BCL2L14: variants seen among roughly 807,000 people sequenced by gnomAD.
BCL2L14 encodes the protein BCL2 like 14.
In BCL2L14, 27 loss-of-function variants were observed where a neutral mutation model predicts 35.3. The observed-to-expected ratio is 0.76, with a 90% CI of 0.56 to 1.05. BCL2L14 has a LOEUF of 1.05. BCL2L14 is among the 50% of genes least tolerant of loss of function. BCL2L14 has a pLI of 0.00. For synonymous variants in BCL2L14, 139 were observed against 145.9 expected, an observed-to-expected ratio of 0.95 and a Z score of 0.34; for missense variants, 377 against 382.6, an observed-to-expected ratio of 0.99 and a Z score of 0.12.
In BCL2L14 at chr12:12,086,997, A is replaced by G. The variant is rs892544342; in HGVS notation, c.434-216A>G. Among the ~76,000 whole-genome samples, 33 of 152,218 alleles carry G rather than the reference A, an allele frequency of 2.2e-4. 1 individual carries two copies. Among genetic ancestry groups the G allele is most frequent in the Middle Eastern group, 6.8e-3 (2 of 294 alleles). On this transcript the variant is annotated intron_variant, in intron 2 of 5. Coordinates refer to ENST00000308721, the MANE Select transcript of BCL2L14 (RefSeq NM_138723.2). ...AGTGTGCAGAAGGCCAATTGTTTCA[A>G]GGTGACAATCATTCCTGCATGCACC...
chr12:12,058,253 C>T (rs1400556146), intron 2 of BCL2L14, among the ~76,000 whole-genome samples: 3 of 143,632 alleles, frequency 2.1e-5, no homozygotes, highest in African/African-American at 7.7e-5. Context: ...TGCCCAGACT[C>T]TTTTTTTTTT....
intron 2 of BCL2L14, among the ~76,000 whole-genome samples, chr12:12,058,176 T>A (rs1056189720): frequency 6.6e-6 from 1 of 150,570 alleles, no homozygotes; most frequent in African/African-American, 2.4e-5. Flanking sequence ...GTTCTCCAAC[T>A]CTTGACCTCA....
chr12:12,063,293 T>C (rs1186486933), intron 2 of BCL2L14, among the ~76,000 whole-genome samples: 2 of 151,192 alleles, frequency 1.3e-5, no homozygotes, highest in East Asian at 1.9e-4. Context: ...TAAATAATCT[T>C]TGCTGGCAGG....
intron 1 of BCL2L14, among the ~76,000 whole-genome samples, chr12:12,050,968 G>A (rs964745364): frequency 1.4e-4 from 22 of 152,110 alleles, no homozygotes; most frequent in African/African-American, 2.9e-4. Flanking sequence ...ACCTTTTGGC[G>A]GAAGTGCTCG....
Position 12,087,197 on chromosome 12 carries a change from T to C in BCL2L14, c.434-16T>C, listed in dbSNP as rs1949064229. ...TTCTGGGAAGGGCCTCTCAGCACCA[T>C]TTTGTCTTGTTTCAGCTGTGGACCC... On this transcript the variant is annotated splice_polypyrimidine_tract_variant and intron_variant, in intron 2 of 5. Transcript: ENST00000308721. 2 of 1,612,658 alleles carry C rather than the reference T, an allele frequency of 1.2e-6. No homozygotes were observed. Among genetic ancestry groups the C allele is most frequent in the Admixed American group, 1.7e-5 (1 of 59,868 alleles).
chr12:12,058,144 G>A (rs970231363), intron 2 of BCL2L14, among the ~76,000 whole-genome samples: 1 of 151,688 alleles, frequency 6.6e-6, no homozygotes, highest in Admixed American at 6.6e-5. Context: ...TAGCGACGAG[G>A]TTTCACCATG....
At chr12:12,052,656 T>A (rs1948374499) in intron 2 of BCL2L14, among the ~76,000 whole-genome samples, 1 of 152,216 alleles carries the variant, frequency 6.6e-6, no homozygotes, top group African/African-American at 2.4e-5. Flanking sequence ...ATATCTTGGC[T>A]ATGGTAAATC....
At chr12:12,067,651 C>T (rs143290292), upstream of BCL2L14, among the ~76,000 whole-genome samples, 3 of 152,298 alleles carry the variant, frequency 2.0e-5, no homozygotes, top group African/African-American at 7.2e-5. Context: ...GGGACGTCCA[C>T]CAAATTTTTA....
At chr12:12,073,460 T>C (rs1320623495) in intron 1 of BCL2L14, among the ~76,000 whole-genome samples, 2 of 152,198 alleles carry the variant, frequency 1.3e-5, no homozygotes, top group African/African-American at 4.8e-5. Flanking sequence ...TGTCTTGACT[T>C]CAGTGGTTTC....
chr12:12,080,705 G>A (rs572668648), intron 2 of BCL2L14, among the ~76,000 whole-genome samples: 6 of 151,428 alleles, frequency 4.0e-5, no homozygotes, highest in South Asian at 2.1e-4. Flanking sequence ...CAACTCATTC[G>A]CTCAGGGCCT....
At chr12:12,078,735 T>C (rs561455630) in intron 1 of BCL2L14, among the ~76,000 whole-genome samples, 1 of 152,332 alleles carries the variant, frequency 6.6e-6, no homozygotes, top group South Asian at 2.1e-4. Flanking sequence ...ATCCCTGCCT[T>C]CTAACCTGGC....
At chr12:12,051,743 C>G (rs1003246335) in intron 1 of BCL2L14, 3 of 152,146 alleles carry the variant, frequency 2.0e-5, no homozygotes, top group African/African-American at 7.2e-5. Context: ...TGCAAAGCAC[C>G]ATGCTTGTGC....
chr12:12,090,170 TCAA>T (rs529348757), intron 3 of BCL2L14, among the ~76,000 whole-genome samples: 1 of 152,184 alleles, frequency 6.6e-6, no homozygotes, highest in East Asian at 1.9e-4. Context: ...ACCGATGTCT[TCAA>T]CAACAAGCTT....
chr12:12,077,823 C>T, intron 1 of BCL2L14: 1 of 212,272 alleles, frequency 4.7e-6, no homozygotes, highest in Non-Finnish European at 1.0e-5. Flanking sequence ...ATTCTTGATA[C>T]GCTCACTGCC....
At chr12:12,074,494 A>G (rs1365880735) in intron 1 of BCL2L14, among the ~76,000 whole-genome samples, 2 of 151,846 alleles carry the variant, frequency 1.3e-5, no homozygotes, top group African/African-American at 2.4e-5. Flanking sequence ...TACTCAGTGC[A>G]GTGGCACCAT....
intron 2 of BCL2L14, among the ~76,000 whole-genome samples, chr12:12,063,712 C>T (rs1285933707): frequency 6.6e-6 from 1 of 152,180 alleles, no homozygotes; most frequent in Non-Finnish European, 1.5e-5. Flanking sequence ...GCTAAGCCAT[C>T]ATATCCCCGT....
intron 2 of BCL2L14, among the ~76,000 whole-genome samples, chr12:12,064,950 A>G (rs1401399054): frequency 1.3e-5 from 2 of 152,216 alleles, no homozygotes; most frequent in Non-Finnish European, 2.9e-5. Flanking sequence ...ACACAGCACT[A>G]TCACTTCAAT....
chr12:12,062,701 G>C (rs1191874822), intron 2 of BCL2L14, among the ~76,000 whole-genome samples: 2 of 151,660 alleles, frequency 1.3e-5, no homozygotes, highest in African/African-American at 2.4e-5. Flanking sequence ...TTTCCTACAG[G>C]GTCTGAGAAG....
intron 4 of BCL2L14, among the ~76,000 whole-genome samples, chr12:12,091,347 G>T (rs1303658539): frequency 1.3e-5 from 2 of 152,228 alleles, no homozygotes; most frequent in Admixed American, 6.5e-5. Context: ...GTTACTGGGA[G>T]AATGTATGGA....
Sources: gnomAD v4.1 joint callset for allele counts (sites outside exome capture counted in the v4.1 genomes callset) on GRCh38, gnomAD v4.1.1 for gene constraint, MANE v1.5 for transcripts, NCBI Gene and HGNC (gene_info 2026-07-23, HGNC 2026-07-21) for gene names.